C8orf34: variants seen among roughly 807,000 people sequenced by gnomAD.
C8orf34 encodes chromosome 8 open reading frame 34.
In C8orf34, 65 loss-of-function variants were observed where a neutral mutation model predicts 68.3. The observed-to-expected ratio is 0.95, with a 90% CI of 0.78 to 1.17. C8orf34 has a LOEUF of 1.17. Among genes scored for constraint, C8orf34 ranks in the 50% most tolerant of loss-of-function variants. The probability of loss-of-function intolerance (pLI) is 0.00; values close to 1 mark genes in which losing one functional copy is unlikely to be tolerated. For synonymous variants in C8orf34, 244 were observed against 241.2 expected (o/e 1.01, Z -0.11); for missense variants, 664 against 655.4 (o/e 1.01, Z -0.14).
intron 3 of C8orf34, among the ~76,000 whole-genome samples, chr8:68,449,415 C>G (rs1811251857): frequency 6.6e-6 from 1 of 151,998 alleles, no homozygotes; most frequent in African/African-American, 2.4e-5. Flanking sequence ...AAATCATGTA[C>G]CCAGTAAGTA....
chr8:68,340,488 G>A (rs978317742), intron 1 of C8orf34, among the ~76,000 whole-genome samples: 2 of 152,008 alleles, frequency 1.3e-5, no homozygotes, highest in African/African-American at 4.8e-5. Context: ...TCAAAAACAG[G>A]AATGAAATGA....
Position 68,410,785 on chromosome 8 carries a change from G to C in C8orf34, c.328-28714G>C, listed in dbSNP as rs559809250. Reference sequence around the variant, plus strand: ...TCTCAGGCAGATGGCATTGGAGAAAGGTTCTTTGACTTTCTCCTGTGGGTA... The same window carrying C: ...TCTCAGGCAGATGGCATTGGAGAAACGTTCTTTGACTTTCTCCTGTGGGTA... On this transcript the variant is annotated intron_variant, in intron 1 of 13. Transcript: ENST00000518698. Among the ~76,000 whole-genome samples, 4 of 152,268 alleles carry C rather than the reference G, an allele frequency of 2.6e-5. No homozygotes were observed. In the South Asian group the frequency reaches 8.3e-4, roughly 32 times the overall value.
chr8:68,535,375 T>TAA, intron 7 of C8orf34: 1 of 984,308 alleles, frequency 1.0e-6, no homozygotes, highest in Non-Finnish European at 1.2e-6. Flanking sequence ...TACCAAGATA[T>TAA]AACTGGCTGA....
At chr8:68,402,095 T>C (rs1808984033) in intron 1 of C8orf34, among the ~76,000 whole-genome samples, 1 of 152,104 alleles carries the variant, frequency 6.6e-6, no homozygotes. Flanking sequence ...TACTTGTTAT[T>C]GGACTATTCA....
chr8:68,721,279 CT>C, intron 9 of C8orf34, 81 bp from the exon 10 acceptor site: 1 of 852,162 alleles, frequency 1.2e-6, no homozygotes, highest in Non-Finnish European at 1.8e-6. Context: ...TCATTTTATT[CT>C]TCTCACAACA....
chr8:68,691,662 T>C (rs191746502), intron 8 of C8orf34, among the ~76,000 whole-genome samples: 14 of 152,208 alleles, frequency 9.2e-5, no homozygotes, highest in Admixed American at 2.6e-4. Context: ...GGGAAAATAA[T>C]CCTTGTTCAT....
Position 68,368,803 on chromosome 8 carries a change from A to T in C8orf34, c.327+37464A>T, listed in dbSNP as rs1380932766. 2.6e-5 allele frequency among the ~76,000 whole-genome samples: 4 copies of T among 152,174 alleles called. No homozygotes were observed. In the South Asian group the frequency reaches 8.3e-4, roughly 31 times the overall value. ...TGTTAAACCAACTTTGCATTTCTGGAAGAAATTGATTCAGGTTAAGATGTA... is the reference window on the plus strand; with the variant it reads ...TGTTAAACCAACTTTGCATTTCTGGTAGAAATTGATTCAGGTTAAGATGTA... On this transcript the variant is annotated intron_variant, in intron 1 of 13. Transcript: ENST00000518698.
At chr8:68,466,738 C>CATGT (rs1554556693) in intron 3 of C8orf34, among the ~76,000 whole-genome samples, 2 of 120,628 alleles carry the variant, frequency 1.7e-5, no homozygotes, top group Non-Finnish European at 3.3e-5. Context: ...CAACGTTGTA[C>CATGT]ATATATATAT....
chr8:68,755,555 T>C (rs907016160), intron 10 of C8orf34, among the ~76,000 whole-genome samples: 1 of 152,172 alleles, frequency 6.6e-6, no homozygotes, highest in African/African-American at 2.4e-5. Flanking sequence ...TCAGTAATCT[T>C]TGAAGATTAC....
intron 7 of C8orf34, among the ~76,000 whole-genome samples, chr8:68,626,950 T>C: frequency 6.6e-6 from 1 of 152,080 alleles, no homozygotes; most frequent in East Asian, 1.9e-4. Flanking sequence ...AAATATTAAA[T>C]ATATAAGATT....
chr8:68,798,650 A>T (rs141848736), intron 12 of C8orf34, among the ~76,000 whole-genome samples: 4 of 152,314 alleles, frequency 2.6e-5, no homozygotes, highest in African/African-American at 9.6e-5. Context: ...TCCAATGCCA[A>T]ATTGCAATTT....
At chr8:68,747,182 C>T (rs931605952) in intron 10 of C8orf34, among the ~76,000 whole-genome samples, 22 of 152,038 alleles carry the variant, frequency 1.4e-4, no homozygotes, top group Non-Finnish European at 2.9e-4. Flanking sequence ...CAAAATTCAA[C>T]AACACTTCAT....
Position 68,331,023 on chromosome 8 carries a change from C to G in C8orf34, c.11C>G (p.Pro4Arg), listed in dbSNP as rs759402162. 3.2e-5 allele frequency: 46 copies of G among 1,448,590 alleles called. 1 individual carries two copies. The South Asian group carries it at 3.4e-4, about 11-fold the overall frequency. 89.7% of individuals were successfully genotyped at this position (1,448,590 alleles called of 1,614,324 possible). MSSPLASELSELAA... is the reference protein window; with the variant it reads MSSRLASELSELAA... ...CGGAGAACGCGATGAATGAGTTCTC[C>G]CCTCGCCTCGGAGTTGTCTGAGTTG... is the stretch of plus-strand genomic sequence containing the variant. The change falls in exon 1 of 14, where the codon CCC becomes CGC. Residue 4 changes from proline to arginine, a missense_variant. By Grantham distance (103) the Pro-to-Arg change is moderately radical (BLOSUM62 -2). Transcript: ENST00000518698.
chr8:68,745,955 C>T (rs1822476025), intron 10 of C8orf34, among the ~76,000 whole-genome samples: 1 of 152,080 alleles, frequency 6.6e-6, no homozygotes, highest in Non-Finnish European at 1.5e-5. Context: ...CCACACCACA[C>T]CTATTCCAAA....
intron 5 of C8orf34, among the ~76,000 whole-genome samples, chr8:68,498,490 C>A (rs4644227): frequency 0.32 from 48,026 of 152,062 alleles, 9,087 homozygotes; most frequent in Non-Finnish European, 0.43. Context: ...TTGATTGTCT[C>A]TAGTGGGAGG....
At chr8:68,787,570 T>G (rs1823880172) in intron 12 of C8orf34, 34 bp downstream of exon 12, 7 of 1,455,026 alleles carry the variant, frequency 4.8e-6, no homozygotes, top group South Asian at 2.5e-5. Flanking sequence ...GACAAATTTC[T>G]TTTACCAGAA....
chr8:68,590,698 G>A (rs1293692039), intron 7 of C8orf34, among the ~76,000 whole-genome samples: 2 of 152,192 alleles, frequency 1.3e-5, no homozygotes, highest in Admixed American at 1.3e-4. Context: ...TATCTAATCA[G>A]TATGAAGCTT....
chr8:68,345,562 A>C (rs1288490446), intron 1 of C8orf34, among the ~76,000 whole-genome samples: 1 of 151,964 alleles, frequency 6.6e-6, no homozygotes, highest in African/African-American at 2.4e-5. Flanking sequence ...TACAAGGAAG[A>C]ATCAATATTC....
chr8:68,451,279 A>G (rs1371241122), intron 3 of C8orf34, among the ~76,000 whole-genome samples: 2 of 152,120 alleles, frequency 1.3e-5, no homozygotes, highest in East Asian at 1.9e-4. Flanking sequence ...GACTTTCTCC[A>G]TATCAGCAAT....
Sources: allele counts gnomAD v4.1 joint callset (sites outside exome capture counted in the v4.1 genomes callset), GRCh38; gene constraint gnomAD v4.1.1; transcripts MANE v1.5; gene names NCBI Gene and HGNC (gene_info 2026-07-23, HGNC 2026-07-21).